Variants in FMN2 observed in about 807,000 individuals in gnomAD.
FMN2 encodes formin-2.
In FMN2, 51 loss-of-function variants were observed where a neutral mutation model predicts 142.3. The ratio of observed to expected loss-of-function variants is 0.36; its 90% CI spans 0.29 to 0.45. The LOEUF is 0.45. Ranked by LOEUF, FMN2 falls within the 20% of genes least tolerant of loss-of-function variation. The probability of loss-of-function intolerance (pLI) is 1.00; values close to 1 mark genes in which losing one functional copy is unlikely to be tolerated. For synonymous variants in FMN2, 882 were observed against 869.8 expected (o/e 1.01, Z -0.25); for missense variants, 1,936 against 2,122.8 (o/e 0.91, Z 1.73).
At chr1:240,386,583 G>GA (rs1230982867) in intron 14 of FMN2, among the ~76,000 whole-genome samples, 3 of 152,148 alleles carry the variant, frequency 2.0e-5, no homozygotes, top group African/African-American at 7.2e-5. Flanking sequence ...TTCACATTGC[G>GA]AAAGAGTCTG....
chr1:240,328,477 T>G (rs2103012103), intron 8 of FMN2, among the ~76,000 whole-genome samples: 1 of 152,066 alleles, frequency 6.6e-6, no homozygotes, highest in Middle Eastern at 3.4e-3. Context: ...TGAATAAACA[T>G]TTCTCAGATC....
rs576062193 is a variant in FMN2, at chr1:240,434,551, T to G, written c.4911-3510T>G. On this transcript the variant is annotated intron_variant, in intron 15 of 17. Transcript: ENST00000319653. ...GTTTTTTTTTGTTTTGTTTTTTGTT[T>G]TTTGTTTTTTTTTGTTTTTTGTTTT... 6.8e-5 allele frequency among the ~76,000 whole-genome samples: 7 copies of G among 102,206 alleles called. No homozygotes were observed. The East Asian group carries it at 1.9e-3, about 28-fold the overall frequency. 67.1% of individuals were successfully genotyped at this position (102,206 alleles called of 152,430 possible). A position where few individuals can be genotyped will look rare whatever the true frequency, so the allele number is the denominator to read the frequency against.
At chr1:240,370,324 T>C in intron 14 of FMN2, among the ~76,000 whole-genome samples, 1 of 152,352 alleles carries the variant, frequency 6.6e-6, no homozygotes, top group Middle Eastern at 3.4e-3. Flanking sequence ...TATCTTGTTT[T>C]TTTCAATGAA....
chr1:240,134,962 G>A (rs1662880240), intron 2 of FMN2, among the ~76,000 whole-genome samples: 1 of 152,178 alleles, frequency 6.6e-6, no homozygotes, highest in Non-Finnish European at 1.5e-5. Flanking sequence ...CCCACTTGGT[G>A]TTATGTTCAT....
intron 7 of FMN2, among the ~76,000 whole-genome samples, chr1:240,292,396 CTG>C (rs1243554948): frequency 2.0e-5 from 3 of 152,180 alleles, no homozygotes; most frequent in African/African-American, 7.2e-5. Context: ...ATTCTCTTCT[CTG>C]TGCATTACCA....
chr1:240,399,733 C>T lies in FMN2; in HGVS notation c.4910+7171C>T, dbSNP rs1311924923. Among the ~76,000 whole-genome samples, 5 of 152,256 alleles carry T rather than the reference C, an allele frequency of 3.3e-5. No homozygotes were observed. The East Asian group carries it at 9.7e-4, about 29-fold the overall frequency. Reference sequence around the variant, plus strand: ...TACTTAAAGGGCAGATGCTCCAGCTCAGGTGTAGCCAACCGAGAATGCTGG... The same window carrying T: ...TACTTAAAGGGCAGATGCTCCAGCTTAGGTGTAGCCAACCGAGAATGCTGG... On this transcript the variant is annotated intron_variant, in intron 15 of 17. Coordinates refer to ENST00000319653, the MANE Select transcript of FMN2 (RefSeq NM_020066.5).
rs1572061007 is a variant in FMN2, at chr1:240,207,479, T to C, written c.2667T>C (p.Pro889=). The C allele has an allele frequency of 6.2e-7, 1 of 1,611,986 alleles. No homozygotes were observed. Among genetic ancestry groups the C allele is most frequent in the Non-Finnish European group, 8.5e-7 (1 of 1,179,420 alleles). The change falls in exon 5 of 18, where the codon CCT becomes CCC. Residue 889 remains proline, a synonymous_variant. Transcript: ENST00000319653. Reference sequence around the variant, plus strand: ...CCCCTCTCCCTGGCATGACAGTGCCTACTCTGCCCAGTACAGCCATTCCCC... The same window carrying C: ...CCCCTCTCCCTGGCATGACAGTGCCCACTCTGCCCAGTACAGCCATTCCCC... ...PPPPLPGMTV[P]TLPSTAIPQP...
intron 13 of FMN2, among the ~76,000 whole-genome samples, chr1:240,353,067 T>G (rs1044464060): frequency 1.0e-4 from 15 of 149,274 alleles, no homozygotes; most frequent in African/African-American, 3.5e-4. Context: ...TCATGCAACT[T>G]CCTCCTTCCT....
chr1:240,234,596 T>C (rs1367239945), intron 6 of FMN2, among the ~76,000 whole-genome samples: 1 of 152,198 alleles, frequency 6.6e-6, no homozygotes, highest in African/African-American at 2.4e-5. Flanking sequence ...AATAACCACA[T>C]GATTTCTGCT....
intron 16 of FMN2, among the ~76,000 whole-genome samples, chr1:240,463,809 C>A (rs1676523985): frequency 6.6e-6 from 1 of 151,920 alleles, no homozygotes; most frequent in African/African-American, 2.4e-5. Flanking sequence ...TCGAGACCAG[C>A]CTGGCCAACA....
chr1:240,242,118 G>A (rs984866293), intron 6 of FMN2, among the ~76,000 whole-genome samples: 1 of 151,944 alleles, frequency 6.6e-6, no homozygotes, highest in Non-Finnish European at 1.5e-5. Context: ...GTGCTGGGAT[G>A]ACAGGCGTGA....
At chr1:240,445,065 T>G (rs958983573) in intron 16 of FMN2, among the ~76,000 whole-genome samples, 9 of 152,206 alleles carry the variant, frequency 5.9e-5, no homozygotes, top group Admixed American at 5.9e-4. Context: ...CAGTGCCAAC[T>G]TTCTGTAACC....
chr1:240,147,146 TGC>T (rs756370517), intron 2 of FMN2, among the ~76,000 whole-genome samples: 2 of 152,200 alleles, frequency 1.3e-5, no homozygotes, highest in African/African-American at 2.4e-5. Flanking sequence ...TCAAGCACTG[TGC>T]TAAGTACTTA....
chr1:240,426,710 A>G (rs996008286), intron 15 of FMN2, among the ~76,000 whole-genome samples: 8 of 152,048 alleles, frequency 5.3e-5, no homozygotes, highest in Admixed American at 1.3e-4. Context: ...ATATTTTAGT[A>G]TGTTTCTCTA....
chr1:240,470,061 GA>G (rs1286911777), intron 16 of FMN2, among the ~76,000 whole-genome samples: 1 of 152,018 alleles, frequency 6.6e-6, no homozygotes, highest in South Asian at 2.1e-4. Flanking sequence ...TGTGTTTTGA[GA>G]AAAAAATAAA....
chr1:240,209,793 A>T (rs1024134573), intron 5 of FMN2, among the ~76,000 whole-genome samples: 6 of 151,412 alleles, frequency 4.0e-5, no homozygotes, highest in Non-Finnish European at 5.9e-5. Flanking sequence ...AGTTCCAGCT[A>T]CTCGGGAGGC....
At chr1:240,177,675 A>C (rs536538065) in intron 2 of FMN2, among the ~76,000 whole-genome samples, 1 of 152,296 alleles carries the variant, frequency 6.6e-6, no homozygotes, top group Non-Finnish European at 1.5e-5. Flanking sequence ...CCAAAGAAAG[A>C]GGCGTAGGTT....
rs372068375 is a variant in FMN2 at position 240,159,915 on chromosome 1, A to C, written c.1783-18006A>C. Reference sequence around the variant, plus strand: ...TATATATATATCTGTGTATATATATATATATATATATATATATTTGTGTAT... The same window carrying C: ...TATATATATATCTGTGTATATATATCTATATATATATATATATTTGTGTAT... On this transcript the variant is annotated intron_variant, in intron 2 of 17. Transcript: ENST00000319653. 3.8e-3 allele frequency among the ~76,000 whole-genome samples: 338 copies of C among 89,214 alleles called. 3 individuals carry two copies. Among genetic ancestry groups the C allele is most frequent in the Middle Eastern group, 0.011 (2 of 182 alleles). The allele number at this position is 89,214 out of a possible 152,430, so 58.5% of individuals were successfully genotyped here. A position where few individuals can be genotyped will look rare whatever the true frequency, so the allele number is the denominator to read the frequency against.
intron 5 of FMN2, among the ~76,000 whole-genome samples, chr1:240,209,248 CTT>C (rs35230925): frequency 3.2e-3 from 445 of 138,452 alleles, no homozygotes; most frequent in Admixed American, 6.5e-3. Context: ...TTCTTAAATC[CTT>C]TTTTTTTTTT....
Sources: allele counts gnomAD v4.1 joint callset (sites outside exome capture counted in the v4.1 genomes callset), GRCh38; gene constraint gnomAD v4.1.1; transcripts MANE v1.5; gene names NCBI Gene and HGNC (gene_info 2026-07-23, HGNC 2026-07-21).